The following BMPR2 variants were observed in gnomAD, a reference collection of about 807,000 sequenced individuals.
The protein encoded by BMPR2 is bone morphogenetic protein receptor type 2.
Under a neutral mutation model 100.8 loss-of-function variants are expected in BMPR2, and 29 were observed. The observed-to-expected ratio is 0.29, with a 90% CI of 0.21 to 0.39. The LOEUF is 0.39. Among genes scored for constraint, BMPR2 ranks in the 10% least tolerant of loss-of-function variants. The pLI, the probability that BMPR2 is intolerant of heterozygous loss-of-function variation, is 1.00. For missense variants in BMPR2, 1,011 were observed against 1,274.5 expected (o/e 0.79, Z 3.15); for synonymous variants, 382 against 442.3 (o/e 0.86, Z 1.71).
In BMPR2 at chr2:202,546,706, C is replaced by T. The variant is rs535959335; in HGVS notation, c.1413+4259C>T. Among the ~76,000 whole-genome samples, 27 of 152,224 alleles carry T rather than the reference C, an allele frequency of 1.8e-4. 1 individual carries two copies. The South Asian group carries it at 5.0e-3, about 28-fold the overall frequency. ...GTGGCGTCTGCCTCCTGGGTTCAAGCGATTTTTCTGGCTCTGCCTCCCGAG... is the reference window on the plus strand; with the variant it reads ...GTGGCGTCTGCCTCCTGGGTTCAAGTGATTTTTCTGGCTCTGCCTCCCGAG... On this transcript the variant is annotated intron_variant, in intron 10 of 12. Transcript: ENST00000374580.
chr2:202,488,985 A>G lies in BMPR2; in HGVS notation c.418+21296A>G, dbSNP rs151250990. Among the ~76,000 whole-genome samples, 3 of 150,438 alleles carry G rather than the reference A, an allele frequency of 2.0e-5. No individual in the cohort carries two copies. The East Asian group carries it at 5.8e-4, about 29-fold the overall frequency. On this transcript the variant is annotated intron_variant, in intron 3 of 12. Transcript: ENST00000374580. ...CCTCATATAAGTGGAATCATAAGGT[A>G]TCTGTCTTTTTGTTACTTTTTTTTT...
chr2:202,385,956 C>T (rs1482285542), intron 1 of BMPR2, among the ~76,000 whole-genome samples: 1 of 151,996 alleles, frequency 6.6e-6, no homozygotes, highest in Non-Finnish European at 1.5e-5. Context: ...TTGTTTTGAC[C>T]TATCTGTAGC....
chr2:202,420,921 G>C (rs1691249858), intron 1 of BMPR2, among the ~76,000 whole-genome samples: 1 of 151,910 alleles, frequency 6.6e-6, no homozygotes, highest in Non-Finnish European at 1.5e-5. Context: ...GTCCAACTTA[G>C]AAGGAACAAA....
rs1688670310 is a variant in BMPR2, at chr2:202,560,986, T to C, written c.*1040T>C. 1 of 152,174 alleles carries C rather than the reference T, an allele frequency of 6.6e-6. No homozygotes were observed. The highest frequency in any genetic ancestry group is 6.5e-5 in the Admixed American group (1 of 15,278). The allele number at this position is 152,174 out of a possible 1,614,324, so 9.4% of individuals were successfully genotyped here. ...GACAAAATAGTGTTATAGCCTTCAT[T>C]CTCTGAATAGGCCATCTTTGACTCA... On this transcript the variant is annotated 3_prime_UTR_variant, in exon 13 of 13. Coordinates refer to ENST00000374580, the MANE Select transcript of BMPR2 (RefSeq NM_001204.7).
At chr2:202,469,849 A>G (rs4675278) in intron 3 of BMPR2, among the ~76,000 whole-genome samples, 96,557 of 150,240 alleles carry the variant, frequency 0.64, 31,696 homozygotes, top group Non-Finnish European at 0.72. Context: ...TAAGGGGGGG[A>G]AAAAAAGCCC....
intron 1 of BMPR2, among the ~76,000 whole-genome samples, chr2:202,461,182 AAC>A (rs1275562729): frequency 1.3e-5 from 2 of 152,138 alleles, no homozygotes; most frequent in African/African-American, 4.8e-5. Context: ...GATTATCAAA[AAC>A]ACATATAATA....
chr2:202,381,800 A>G (rs1231368425), intron 1 of BMPR2, among the ~76,000 whole-genome samples: 3 of 152,088 alleles, frequency 2.0e-5, no homozygotes, highest in African/African-American at 7.2e-5. Flanking sequence ...ATGTGATAGT[A>G]GTGGTATTGA....
intron 9 of BMPR2, among the ~76,000 whole-genome samples, chr2:202,539,278 G>C (rs1421567166): frequency 6.6e-6 from 1 of 152,132 alleles, no homozygotes; most frequent in Non-Finnish European, 1.5e-5. Context: ...ACTGAGGAAT[G>C]ATTTTTGAAT....
intron 1 of BMPR2, among the ~76,000 whole-genome samples, chr2:202,427,314 C>T (rs1254509486): frequency 2.1e-5 from 3 of 141,154 alleles, no homozygotes; most frequent in Non-Finnish European, 3.0e-5. Context: ...GAGCTGAGAT[C>T]GCGCCACTGC....
In BMPR2 at chr2:202,503,540, G is replaced by C. The variant is rs915641192; in HGVS notation, c.419-10179G>C. On this transcript the variant is annotated intron_variant, in intron 3 of 12. Transcript: ENST00000374580. This position sits in a 1 kb window ranked among gnomAD's most constrained non-coding sequence, Gnocchi z 4.0. ...CCAGCAGCTGCGGAGGGTGTACTGG[G>C]TCCCCCAGCAGTGCCAGCCCACCGG... Among the ~76,000 whole-genome samples the C allele has an allele frequency of 6.6e-6, 1 of 152,358 alleles. No homozygotes were observed.
rs1688565308 is a variant in BMPR2, at chr2:202,556,069, G to A, written c.2404G>A (p.Val802Met). ...AATCAATGCAGCAGAACCTCATGTGGTGACAGTCACCATGAATGGTGTGGC... is the reference window on the plus strand; with the variant it reads ...AATCAATGCAGCAGAACCTCATGTGATGACAGTCACCATGAATGGTGTGGC... ...NTINAAEPHV[V>M]TVTMNGVAGR... Residue 802 changes from valine to methionine, a missense_variant, in exon 12 of 13, where the codon GTG becomes ATG. This residue lies in a region of BMPR2 where 508 missense variants were observed against 552.0 expected (regional missense o/e 0.92). Transcript: ENST00000374580. The A allele has an allele frequency of 1.9e-6, 3 of 1,614,068 alleles. No homozygotes were observed. Among genetic ancestry groups the A allele is most frequent in the Non-Finnish European group, 1.7e-6 (2 of 1,180,042 alleles).
chr2:202,412,260 A>G (rs1691027220), intron 1 of BMPR2, among the ~76,000 whole-genome samples: 1 of 152,174 alleles, frequency 6.6e-6, no homozygotes, highest in Non-Finnish European at 1.5e-5. Flanking sequence ...TCACCAAAAA[A>G]CAAACAAAGA....
At chr2:202,380,305 G>A (rs373032865) in intron 1 of BMPR2, among the ~76,000 whole-genome samples, 10 of 152,014 alleles carry the variant, frequency 6.6e-5, no homozygotes, top group African/African-American at 2.4e-4. Flanking sequence ...CTTCTGTAAT[G>A]CGTTTTAAAT....
chr2:202,400,322 T>TC (rs1309905102), intron 1 of BMPR2, among the ~76,000 whole-genome samples: 1 of 150,974 alleles, frequency 6.6e-6, no homozygotes, highest in African/African-American at 2.4e-5. Context: ...TTTTTTTTTT[T>TC]TTTTTTTGGT....
At chr2:202,490,814 T>C (rs1692885141) in intron 3 of BMPR2, among the ~76,000 whole-genome samples, 2 of 152,250 alleles carry the variant, frequency 1.3e-5, no homozygotes, top group Admixed American at 1.3e-4. Flanking sequence ...ACAATTAATC[T>C]AAACTCCCCT....
intron 7 of BMPR2, among the ~76,000 whole-genome samples, chr2:202,529,479 G>C (rs2106016981): frequency 6.6e-6 from 1 of 152,238 alleles, no homozygotes; most frequent in East Asian, 1.9e-4. Context: ...ATGTTTCCAT[G>C]AGTTTTCCTA....
At chr2:202,462,844 T>C (rs187311065) in intron 1 of BMPR2, among the ~76,000 whole-genome samples, 6 of 152,166 alleles carry the variant, frequency 3.9e-5, no homozygotes, top group Non-Finnish European at 8.8e-5. Context: ...CCTGAATAGC[T>C]GGGATTACAG....
At chr2:202,464,742 C>CA in intron 1 of BMPR2, 67 bp from the exon 2 acceptor site, 3 of 1,432,854 alleles carry the variant, frequency 2.1e-6, no homozygotes, top group South Asian at 2.7e-5. Context: ...TCGGATAAGA[C>CA]AAAGATTTTA....
chr2:202,494,090 G>A lies in BMPR2; in HGVS notation c.419-19629G>A, dbSNP rs756509295. Among the ~76,000 whole-genome samples the A allele has an allele frequency of 2.1e-4, 32 of 152,096 alleles. 1 individual carries two copies. The highest frequency in any genetic ancestry group is 1.0e-3 in the Admixed American group (16 of 15,268). ...TCCAAACATATTAATTAAAAGCAACGTTTATTTCCTATAAAAACATTTGTT... is the reference window on the plus strand; with the variant it reads ...TCCAAACATATTAATTAAAAGCAACATTTATTTCCTATAAAAACATTTGTT... On this transcript the variant is annotated intron_variant, in intron 3 of 12. Coordinates refer to ENST00000374580, the MANE Select transcript of BMPR2 (RefSeq NM_001204.7).
Sources: allele counts gnomAD v4.1 joint callset (sites outside exome capture counted in the v4.1 genomes callset), GRCh38; gene constraint gnomAD v4.1.1; regional missense constraint gnomAD v4.1.1; non-coding constraint Gnocchi (gnomAD v3.1); transcripts MANE v1.5; gene names NCBI Gene and HGNC (gene_info 2026-07-23, HGNC 2026-07-21).